Variants in EOGT observed in about 807,000 individuals in gnomAD.
EOGT encodes the protein EGF domain-specific O-linked N-acetylglucosamine transferase.
In EOGT, 55 loss-of-function variants were observed where a neutral mutation model predicts 70.5. The ratio of observed to expected loss-of-function variants is 0.78; its 90% CI spans 0.63 to 0.98. EOGT has a LOEUF of 0.98. Ranked by LOEUF, EOGT falls within the 50% of genes least tolerant of loss-of-function variation. EOGT has a pLI of 0.00. For synonymous variants in EOGT, 246 were observed against 217.1 expected, an observed-to-expected ratio of 1.13 and a Z score of -1.17; for missense variants, 703 against 641.9, an observed-to-expected ratio of 1.10 and a Z score of -1.03.
intron 8 of EOGT, among the ~76,000 whole-genome samples, chr3:69,002,429 C>T (rs79762828): frequency 0.01 from 1,538 of 152,130 alleles, 26 homozygotes; most frequent in African/African-American, 0.035. Flanking sequence ...ACAATTATGC[C>T]CTGAGCAACT....
chr3:68,981,904 G>C (rs2090654388), intron 15 of EOGT, among the ~76,000 whole-genome samples: 1 of 149,800 alleles, frequency 6.7e-6, no homozygotes, highest in South Asian at 2.1e-4. Context: ...TTTTGAACTA[G>C]TTGCCAATTT....
chr3:68,998,584 T>TG (rs2091216224), intron 9 of EOGT, among the ~76,000 whole-genome samples: 2 of 152,166 alleles, frequency 1.3e-5, no homozygotes, highest in Admixed American at 6.5e-5. Flanking sequence ...CCAGGCACAG[T>TG]GGCTCACACC....
intron 5 of EOGT, 74 bp from the exon 6 acceptor site, chr3:69,007,895 T>A: frequency 9.6e-7 from 1 of 1,041,184 alleles, no homozygotes; most frequent in Non-Finnish European, 1.4e-6. Context: ...TTCTAAAGGT[T>A]AAAATGCTAG....
At chr3:69,008,582 C>T in intron 4 of EOGT, 54 bp from the exon 5 acceptor site, 1 of 1,295,928 alleles carries the variant, frequency 7.7e-7, no homozygotes, top group Non-Finnish European at 1.1e-6. Flanking sequence ...AGAGAAGACT[C>T]TTAGATTTTT....
At chr3:68,989,748 C>CAAAAA (rs56000169) in intron 10 of EOGT, among the ~76,000 whole-genome samples, 35 of 93,018 alleles carry the variant, frequency 3.8e-4, no homozygotes, top group East Asian at 2.2e-3. Flanking sequence ...AACTCCATCT[C>CAAAAA]AAAAAAAAAA....
In EOGT at chr3:69,005,966, T is replaced by C. The variant is rs2091429502; in HGVS notation, c.421-732A>G. 2.0e-5 allele frequency among the ~76,000 whole-genome samples: 3 copies of C among 152,240 alleles called. No homozygotes were observed. The South Asian group carries it at 6.2e-4, about 31-fold the overall frequency. Reference sequence around the variant, plus strand: ...TTGGAGTCTGTAGTTGGTAAAATATTGCAATGGACTGAATGTCCGTGTCTC... The same window carrying C: ...TTGGAGTCTGTAGTTGGTAAAATATCGCAATGGACTGAATGTCCGTGTCTC... On this transcript the variant is annotated intron_variant, in intron 6 of 17. Transcript: ENST00000383701.
intron 10 of EOGT, among the ~76,000 whole-genome samples, chr3:68,993,634 G>C (rs1281872049): frequency 1.3e-5 from 2 of 152,048 alleles, no homozygotes; most frequent in African/African-American, 2.4e-5. Flanking sequence ...CACACTTTCA[G>C]GTATCTTTTC....
chr3:69,009,936 A>AC (rs1553674580), intron 3 of EOGT, 76 bp from the exon 4 acceptor site: 1 of 550,722 alleles, frequency 1.8e-6, no homozygotes, highest in Non-Finnish European at 3.0e-6. Flanking sequence ...ACAACAACAA[A>AC]AAAAAAAAAA....
intron 10 of EOGT, among the ~76,000 whole-genome samples, chr3:68,989,761 AAAAAAAAAAG>A (rs891312807): frequency 1.3e-5 from 2 of 150,696 alleles, no homozygotes; most frequent in African/African-American, 4.9e-5. Context: ...AAAAAAAAAA[AAAAAAAAAAG>A]AAAGGTTTAA....
chr3:68,998,714 C>T (rs1384413736), intron 9 of EOGT, among the ~76,000 whole-genome samples: 2 of 151,232 alleles, frequency 1.3e-5, no homozygotes, highest in African/African-American at 4.9e-5. Context: ...ATTAGGCAGG[C>T]GTGGTTAGCC....
At chr3:69,007,950 T>C (rs1047020678) in intron 5 of EOGT, 129 bp from the exon 6 acceptor site, 4 of 613,552 alleles carry the variant, frequency 6.5e-6, no homozygotes, top group African/African-American at 5.8e-5. Context: ...TTATCATAGT[T>C]TTTCCAAAAC....
rs746076695 is a variant in EOGT, at chr3:68,998,010, C to T, written c.831+1G>A. On this transcript the variant is annotated splice_donor_variant, in intron 10 of 17. Transcript: ENST00000383701. LOFTEE classifies it high-confidence loss of function. ...GAAGCGGAGAGCACATTCTTACTTA[C>T]GGTGTCCCACATCACGATGTACACG... 2.7e-6 allele frequency: 4 copies of T among 1,503,028 alleles called. No homozygotes were observed. The highest frequency in any genetic ancestry group is 4.7e-5 in the East Asian group (2 of 42,274). 93.1% of individuals were successfully genotyped at this position (1,503,028 alleles called of 1,614,324 possible).
chr3:69,004,934 G>A (rs1018437647), intron 7 of EOGT, among the ~76,000 whole-genome samples: 2 of 151,636 alleles, frequency 1.3e-5, no homozygotes, highest in African/African-American at 2.4e-5. Flanking sequence ...CTGGCGGTGC[G>A]CTTCTGTATC....
At chr3:69,008,592 T>A in intron 4 of EOGT, 64 bp from the exon 5 acceptor site, 1 of 1,178,818 alleles carries the variant, frequency 8.5e-7, no homozygotes, top group Non-Finnish European at 1.3e-6. Context: ...CTTAGATTTT[T>A]CCATTAAGAA....
intron 10 of EOGT, among the ~76,000 whole-genome samples, chr3:68,995,337 G>A (rs35119307): frequency 0.18 from 27,706 of 152,170 alleles, 3,301 homozygotes; most frequent in East Asian, 0.36. Flanking sequence ...AGAATTGCCT[G>A]TCCTGAGAAC....
intron 9 of EOGT, among the ~76,000 whole-genome samples, chr3:69,000,691 C>A (rs1297406711): frequency 6.6e-6 from 1 of 152,148 alleles, no homozygotes; most frequent in Non-Finnish European, 1.5e-5. Flanking sequence ...ATCCCTGTCT[C>A]TCATAATGAA....
At chr3:68,996,830 A>T (rs1575751878) in intron 10 of EOGT, among the ~76,000 whole-genome samples, 2 of 152,194 alleles carry the variant, frequency 1.3e-5, no homozygotes, top group South Asian at 4.2e-4. Context: ...ACCTTATATG[A>T]CCCCTTGGTG....
At chr3:69,008,852 T>A (rs2091501509) in intron 4 of EOGT, among the ~76,000 whole-genome samples, 1 of 152,218 alleles carries the variant, frequency 6.6e-6, no homozygotes, top group Non-Finnish European at 1.5e-5. Context: ...AAGCGGATTC[T>A]AAAATCAGTC....
intron 15 of EOGT, among the ~76,000 whole-genome samples, chr3:68,982,242 G>A (rs558666595): frequency 5.3e-5 from 8 of 152,222 alleles, no homozygotes; most frequent in South Asian, 2.1e-4. Context: ...ATTTTAGGCC[G>A]GGTGTGGTGG....
Sources: gnomAD v4.1 joint callset for allele counts (sites outside exome capture counted in the v4.1 genomes callset) on GRCh38, gnomAD v4.1.1 for gene constraint, MANE v1.5 for transcripts, NCBI Gene and HGNC (gene_info 2026-07-23, HGNC 2026-07-21) for gene names.